DCTN1: variants seen among roughly 807,000 people sequenced by gnomAD.
The protein encoded by DCTN1 is dynactin subunit 1.
DCTN1 carries 61 observed loss-of-function variants against 161.2 expected under a neutral mutation model. That is an observed-to-expected ratio of 0.38 (90% CI 0.31 to 0.47). The LOEUF (loss-of-function observed/expected upper bound fraction) is 0.47. Ranked by LOEUF, DCTN1 falls within the 20% of genes least tolerant of loss-of-function variation. DCTN1 has a pLI of 0.99. For missense variants in DCTN1, 1,404 were observed against 1,623.7 expected, an observed-to-expected ratio of 0.86 and a Z score of 2.33; for synonymous variants, 653 against 632.4, an observed-to-expected ratio of 1.03 and a Z score of -0.49.
chr2:74,362,876 C>T (rs1219792485), intron 29 of DCTN1, 118 bp downstream of exon 29: 7 of 1,364,230 alleles, frequency 5.1e-6, no homozygotes, highest in Non-Finnish European at 7.2e-6. Context: ...AACAGTGAAG[C>T]CAAAGAACAC....
intron 4 of DCTN1, 76 bp downstream of exon 4, chr2:74,377,355 GC>G: frequency 7.7e-7 from 1 of 1,306,306 alleles, no homozygotes; most frequent in Non-Finnish European, 1.1e-6. Flanking sequence ...ACTTCTACCT[GC>G]CTAGCACTGG....
chr2:74,373,384 A>C, intron 6 of DCTN1: 1 of 301,490 alleles, frequency 3.3e-6, no homozygotes, highest in Non-Finnish European at 6.6e-6. Flanking sequence ...CTCTTCCTTC[A>C]AGTGCTAGAC....
At position 74,366,913 on chromosome 2, in the gene DCTN1, T is replaced by C. The variant is rs555943129; in HGVS notation, c.2336A>G (p.Asp779Gly). 30 of 1,614,208 alleles carry C rather than the reference T, an allele frequency of 1.9e-5. No homozygotes were observed. In the South Asian group the frequency reaches 3.3e-4, roughly 18 times the overall value. Reference sequence around the variant, plus strand: ...CAGATCCCGGAGCAGGAGGGCAATATCTGTAGCCTCCTGCCCACCCTACTC... The same window carrying C: ...CAGATCCCGGAGCAGGAGGGCAATACCTGTAGCCTCCTGCCCACCCTACTC... The part of the protein sequence containing the change: ...AFLQGGQEAT[D>G]IALLLRDLET... The change falls in exon 21 of 32, where the codon GAT (aspartate) becomes GGT (glycine). Residue 779 changes from aspartate to glycine, a missense_variant. Transcript: ENST00000628224.
chr2:74,370,458 GA>G lies in DCTN1; in HGVS notation c.1127+7del, dbSNP rs765648342. 1 of 1,614,170 alleles carries G rather than the reference GA, an allele frequency of 6.2e-7. No individual in the cohort carries two copies. The highest frequency in any genetic ancestry group is 8.5e-7 in the Non-Finnish European group (1 of 1,180,040). On this transcript the variant is annotated splice_region_variant and intron_variant, in intron 11 of 31. Transcript: ENST00000628224. The surrounding 1 kb of genome is among the most constrained non-coding windows in gnomAD (Gnocchi z 4.4). Reference sequence around the variant, plus strand: ...GTAAGCATCAGAGGCAAGCACTGAAGACCCTACCTCACCAGGGCATCCTTCA... The same window carrying G: ...GTAAGCATCAGAGGCAAGCACTGAAGCCCTACCTCACCAGGGCATCCTTCA...
At chr2:74,389,317 C>G (rs1034968780) in intron 1 of DCTN1, among the ~76,000 whole-genome samples, 2 of 152,188 alleles carry the variant, frequency 1.3e-5, no homozygotes, top group African/African-American at 4.8e-5. Context: ...CCAGCTCTTA[C>G]ATCTTCAGGG....
In DCTN1 at chr2:74,365,064, A is replaced by C; in HGVS notation, c.3196+11T>G. Reference sequence around the variant, plus strand: ...CCTCTGTGCTAGTGCTGCCTATTCCACAGTACTCACCACCAGCAATGCCAG... The same window carrying C: ...CCTCTGTGCTAGTGCTGCCTATTCCCCAGTACTCACCACCAGCAATGCCAG... On this transcript the variant is annotated intron_variant, in intron 26 of 31. Transcript: ENST00000628224. 1 of 1,613,972 alleles carries C rather than the reference A, an allele frequency of 6.2e-7. No homozygotes were observed. The highest frequency in any genetic ancestry group is 8.5e-7 in the Non-Finnish European group (1 of 1,179,952).
Position 74,369,856 on chromosome 2 carries a change from G to T in DCTN1, c.1392+109C>A. The stretch of plus-strand genomic sequence containing the variant: ...AAAAAAGGCAGGGTCAGGGTAGCAA[G>T]CCCAGGCTGGGTCCCTCACCGCACA... On this transcript the variant is annotated intron_variant, in intron 13 of 31. Transcript: ENST00000628224. This position sits in a 1 kb window ranked among gnomAD's most constrained non-coding sequence, Gnocchi z 4.9. 1.0e-6 allele frequency: 1 copy of T among 960,020 alleles called. No homozygotes were observed. 59.5% of individuals were successfully genotyped at this position (960,020 alleles called of 1,614,324 possible).
rs1245646925 is a variant in DCTN1 at position 74,371,576 on chromosome 2, G to C, written c.606C>G (p.Thr202=). The C allele has an allele frequency of 1.9e-6, 3 of 1,585,838 alleles. No homozygotes were observed. The highest frequency in any genetic ancestry group is 2.6e-6 in the Non-Finnish European group (3 of 1,166,402). ...AAPIIPTPVL[T]SPGAVPPLPS... ...GAAGCGGGGGGACTGCTCCAGGAGA[G>C]GTGAGGACCGGCGTGGGGATGATGG... Residue 202 remains threonine (T), a synonymous_variant, in exon 8 of 32, where the codon ACC becomes ACG. Coordinates refer to ENST00000628224, the MANE Select transcript of DCTN1 (RefSeq NM_004082.5).
chr2:74,367,242 G>T, intron 19 of DCTN1, 110 bp downstream of exon 19: 3 of 1,533,058 alleles, frequency 2.0e-6, no homozygotes, highest in Non-Finnish European at 9.0e-7. Flanking sequence ...TATGGCTTTG[G>T]TAACTCTGCC....
Position 74,374,539 on chromosome 2 carries a change from C to G in DCTN1, c.415-199G>C. On this transcript the variant is annotated intron_variant, in intron 5 of 31. Coordinates refer to ENST00000628224, the MANE Select transcript of DCTN1 (RefSeq NM_004082.5). ...CTCAGCCTCCCGGTGCGGCAGCTTCCCAGCCTGCAAACGGCCGCCGCTCTG... is the reference window on the plus strand; with the variant it reads ...CTCAGCCTCCCGGTGCGGCAGCTTCGCAGCCTGCAAACGGCCGCCGCTCTG... The G allele has an allele frequency of 2.9e-6, 4 of 1,396,954 alleles. 1 individual carries two copies. The South Asian group carries it at 5.4e-5, about 19-fold the overall frequency. The allele number at this position is 1,396,954 out of a possible 1,614,324, so 86.5% of individuals were successfully genotyped here. A position where few individuals can be genotyped will look rare whatever the true frequency, so the allele number is the denominator to read the frequency against.
intron 5 of DCTN1, among the ~76,000 whole-genome samples, chr2:74,375,856 G>A (rs1675191630): frequency 6.6e-6 from 1 of 152,194 alleles, no homozygotes; most frequent in Non-Finnish European, 1.5e-5. Context: ...AAAAGGAGAT[G>A]TTTTCCTCTT....
Position 74,370,811 on chromosome 2 carries a change from C to G in DCTN1, c.858G>C (p.Ala286=), listed in dbSNP as rs151107870. 8 of 1,614,116 alleles carry G rather than the reference C, an allele frequency of 5.0e-6. No homozygotes were observed. Among genetic ancestry groups the G allele is most frequent in the Non-Finnish European group, 6.8e-6 (8 of 1,180,052 alleles). The change falls in exon 10 of 32, where the codon GCG becomes GCC. Residue 286 remains alanine (A), a synonymous_variant. Transcript: ENST00000628224. This position sits in a 1 kb window ranked among gnomAD's most constrained non-coding sequence, Gnocchi z 4.4. ...CCATATAGCGTTCCTTTGCCTCCAGCGCCTCCTTGGCTTCCTGAGGAAGAA... is the reference window on the plus strand; with the variant it reads ...CCATATAGCGTTCCTTTGCCTCCAGGGCCTCCTTGGCTTCCTGAGGAAGAA... ...LKEARKEAKE[A]LEAKERYMEE...
intron 1 of DCTN1, among the ~76,000 whole-genome samples, chr2:74,378,502 T>C (rs954121260): frequency 4.6e-5 from 7 of 152,256 alleles, no homozygotes; most frequent in Admixed American, 4.6e-4. Flanking sequence ...TCAGAATTCA[T>C]TGACCAGTCT....
At chr2:74,372,826 T>C (rs1044688959) in intron 7 of DCTN1, 102 bp downstream of exon 7, 11 of 1,200,654 alleles carry the variant, frequency 9.2e-6, no homozygotes, top group East Asian at 7.0e-5. Flanking sequence ...GGATACACTA[T>C]GACGAACTTT....
chr2:74,386,290 C>G (rs1047868815), intron 1 of DCTN1, among the ~76,000 whole-genome samples: 3 of 152,138 alleles, frequency 2.0e-5, no homozygotes, highest in Non-Finnish European at 4.4e-5. Context: ...TCCATTTCTG[C>G]AGACGTAAGA....
Position 74,370,483 on chromosome 2 carries a change from C to T in DCTN1, c.1110G>A (p.Leu370=), listed in dbSNP as rs1489120449. ...LKQLEEQNAR[L]KDALVRMRDL... Reference sequence around the variant, plus strand: ...GACCCTACCTCACCAGGGCATCCTTCAGGCGGGCATTCTGCTCCTCAAGCT... The same window carrying T: ...GACCCTACCTCACCAGGGCATCCTTTAGGCGGGCATTCTGCTCCTCAAGCT... The change falls in exon 11 of 32, where the codon CTG becomes CTA. Residue 370 remains leucine (L), a synonymous_variant. Coordinates refer to ENST00000628224, the MANE Select transcript of DCTN1 (RefSeq NM_004082.5). This position sits in a 1 kb window ranked among gnomAD's most constrained non-coding sequence, Gnocchi z 4.4. 2 of 1,614,234 alleles carry T rather than the reference C, an allele frequency of 1.2e-6. No individual in the cohort carries two copies. Among genetic ancestry groups the T allele is most frequent in the Admixed American group, 1.7e-5 (1 of 60,030 alleles).
rs1674349127 is a variant in DCTN1, at chr2:74,365,638, G to A, written c.2906C>T (p.Ala969Val). Residue 969 changes from alanine to valine, a missense_variant, in exon 25 of 32, where the codon GCC becomes GTC. By Grantham distance (64) the Ala-to-Val change is moderately conservative. This residue lies in a region of DCTN1 where 475 missense variants were observed against 489.8 expected (regional missense o/e 0.97). Transcript: ENST00000628224. ...LKIKGEELSE[A>V]NVRLSLLEKK... Reference sequence around the variant, plus strand: ...CTCCAGGAGGCTCAGCCGCACATTGGCCTCACTTAGCTCCTCTCCCTGGAC... The same window carrying A: ...CTCCAGGAGGCTCAGCCGCACATTGACCTCACTTAGCTCCTCTCCCTGGAC... The A allele has an allele frequency of 1.2e-6, 2 of 1,613,982 alleles. No individual in the cohort carries two copies. The highest frequency in any genetic ancestry group is 8.5e-7 in the Non-Finnish European group (1 of 1,180,028).
chr2:74,365,068 T>G lies in DCTN1; in HGVS notation c.3196+7A>C, dbSNP rs901824082. On this transcript the variant is annotated splice_region_variant and intron_variant, in intron 26 of 31. Transcript: ENST00000628224. ...TGTGCTAGTGCTGCCTATTCCACAG[T>G]ACTCACCACCAGCAATGCCAGAGAC... The G allele has an allele frequency of 6.2e-7, 1 of 1,613,976 alleles. No homozygotes were observed. Among genetic ancestry groups the G allele is most frequent in the African/African-American group, 1.3e-5 (1 of 75,000 alleles).
At chr2:74,383,261 A>G (rs764704958), upstream of DCTN1, among the ~76,000 whole-genome samples, 1 of 152,260 alleles carries the variant, frequency 6.6e-6, no homozygotes, top group Non-Finnish European at 1.5e-5. Flanking sequence ...CTATCAAACT[A>G]TAAGCCTTTT....
Sources: allele counts gnomAD v4.1 joint callset (sites outside exome capture counted in the v4.1 genomes callset), GRCh38; gene constraint gnomAD v4.1.1; regional missense constraint gnomAD v4.1.1; non-coding constraint Gnocchi (gnomAD v3.1); transcripts MANE v1.5; gene names NCBI Gene and HGNC (gene_info 2026-07-23, HGNC 2026-07-21).